NOMO2: variants seen among roughly 807,000 people sequenced by gnomAD.
The protein encoded by NOMO2 is BOS complex subunit NOMO2.
In NOMO2, 14 loss-of-function variants were observed where a neutral mutation model predicts 67.1. The ratio of observed to expected loss-of-function variants is 0.21; its 90% confidence interval spans 0.14 to 0.33. The LOEUF (loss-of-function observed/expected upper bound fraction) is 0.33, where lower values mean the gene tolerates loss of function less well. NOMO2 is among the 10% of genes least tolerant of loss of function. NOMO2 has a pLI of 1.00. For missense variants in NOMO2, 178 were observed against 761.0 expected, an observed-to-expected ratio of 0.23 and a Z score of 9.01; for synonymous variants, 80 against 305.9, an observed-to-expected ratio of 0.26 and a Z score of 7.71.
chr16:18,528,986 A>T (rs1901221318), intron 15 of NOMO2, among the ~76,000 whole-genome samples: 7 of 89,840 alleles, frequency 7.8e-5, no homozygotes, highest in South Asian at 7.3e-4. Context: ...AAAAAAAAAA[A>T]AAATACATAT....
At chr16:18,558,769 C>G in intron 1 of NOMO2, 1 of 449,538 alleles carries the variant, frequency 2.2e-6, no homozygotes, top group Non-Finnish European at 4.5e-6. Context: ...TGGGCAAGCT[C>G]GTGTTCGGTT....
Position 18,537,245 on chromosome 16 carries a change from C to T in NOMO2, c.1220+1281G>A, listed in dbSNP as rs1277610604. 6.1e-4 allele frequency among the ~76,000 whole-genome samples: 92 copies of T among 151,936 alleles called. 1 individual carries two copies. Among genetic ancestry groups the T allele is most frequent in the Middle Eastern group, 3.4e-3 (1 of 294 alleles). On this transcript the variant is annotated intron_variant, in intron 11 of 30. Coordinates refer to ENST00000622306, the MANE Select transcript of NOMO2 (RefSeq NM_173614.4). ...TCACCTAACTGGCTTCTCTTTCTGT[C>T]CCCAGCCATCACACCTCTCAAGCTG...
chr16:18,546,335 G>A lies in NOMO2; in HGVS notation c.582+893C>T, dbSNP rs1596856778. 3.8e-5 allele frequency among the ~76,000 whole-genome samples: 2 copies of A among 52,756 alleles called. 1 individual carries two copies. Among genetic ancestry groups the A allele is most frequent in the Non-Finnish European group, 7.9e-5 (2 of 25,274 alleles). The allele number at this position is 52,756 out of a possible 152,430, so 34.6% of individuals were successfully genotyped here. A position where few individuals can be genotyped will look rare whatever the true frequency, so the allele number is the denominator to read the frequency against. On this transcript the variant is annotated intron_variant, in intron 6 of 30. Transcript: ENST00000622306. Reference sequence around the variant, plus strand: ...TGGCCGAGTGCACTGGTTTATACCTGTAATCCCACCACTTTTTTGAGAGCC... The same window carrying A: ...TGGCCGAGTGCACTGGTTTATACCTATAATCCCACCACTTTTTTGAGAGCC...
chr16:18,531,647 G>A (rs534461636), intron 12 of NOMO2, 40 bp from the exon 13 acceptor site: 3 of 1,610,770 alleles, frequency 1.9e-6, no homozygotes, highest in East Asian at 2.2e-5. Flanking sequence ...CTGCATTCGG[G>A]GAGATCTTCC....
At chr16:18,539,297 A>C in intron 9 of NOMO2, among the ~76,000 whole-genome samples, 2 of 146,804 alleles carry the variant, frequency 1.4e-5, no homozygotes, top group African/African-American at 2.5e-5. Flanking sequence ...AGATGCCCCC[A>C]TTTTGGTGAA....
chr16:18,535,274 G>A (rs1276049714), intron 11 of NOMO2, among the ~76,000 whole-genome samples: 4 of 150,698 alleles, frequency 2.7e-5, no homozygotes, highest in East Asian at 1.9e-4. Flanking sequence ...CCGAGATGGC[G>A]CCACTGTACT....
rs2856563 is a variant in NOMO2 at position 18,529,693 on chromosome 16, G to C, written c.1670-56C>G. On this transcript the variant is annotated intron_variant, in intron 14 of 30. Transcript: ENST00000622306. Reference sequence around the variant, plus strand: ...TGGGCGTGGAGCACACCACCTCCCTGCACGCCACCAGAAACAATGATCATG... The same window carrying C: ...TGGGCGTGGAGCACACCACCTCCCTCCACGCCACCAGAAACAATGATCATG... 6,273 of 1,244,028 alleles carry C rather than the reference G, an allele frequency of 5.0e-3. 4 individuals are homozygous for C. The African/African-American group carries it at 0.075, about 15-fold the overall frequency. 77.1% of individuals were successfully genotyped at this position (1,244,028 alleles called of 1,614,324 possible).
intron 13 of NOMO2, 69 bp downstream of exon 13, chr16:18,531,397 T>A: frequency 6.2e-7 from 1 of 1,612,554 alleles, no homozygotes; most frequent in Non-Finnish European, 8.5e-7. Flanking sequence ...AGGAAAAGTT[T>A]CCCAAATCCC....
chr16:18,550,468 G>C (rs1901758042), intron 4 of NOMO2, among the ~76,000 whole-genome samples: 2 of 151,228 alleles, frequency 1.3e-5, no homozygotes, highest in Non-Finnish European at 2.9e-5. Context: ...TCTCTAACAA[G>C]AAGCCCACAC....
chr16:18,561,166 A>T (rs1902029221), intron 1 of NOMO2, among the ~76,000 whole-genome samples: 1 of 101,294 alleles, frequency 9.9e-6, no homozygotes, highest in Non-Finnish European at 1.9e-5. Flanking sequence ...GGACTTTACA[A>T]CTTAATTAAA....
intron 9 of NOMO2, among the ~76,000 whole-genome samples, chr16:18,541,837 A>G (rs377101): frequency 0.011 from 1,370 of 122,586 alleles, 1 homozygote; most frequent in African/African-American, 0.014. Context: ...GTGAGACCCT[A>G]TCTTAAAAAA....
At chr16:18,535,233 C>T (rs1171315892) in intron 11 of NOMO2, among the ~76,000 whole-genome samples, 2 of 148,740 alleles carry the variant, frequency 1.3e-5, no homozygotes, top group African/African-American at 2.5e-5. Context: ...AGGAGAATCA[C>T]TTGAACCCGA....
chr16:18,559,167 TAAAAC>T (rs1901981189), intron 1 of NOMO2, among the ~76,000 whole-genome samples: 1 of 151,922 alleles, frequency 6.6e-6, no homozygotes, highest in Non-Finnish European at 1.5e-5. Flanking sequence ...TGCCTCAAAA[TAAAAC>T]AAAATAAAAT....
intron 6 of NOMO2, among the ~76,000 whole-genome samples, chr16:18,544,389 G>T (rs1208049612): frequency 2.0e-5 from 3 of 151,572 alleles, no homozygotes; most frequent in East Asian, 1.9e-4. Context: ...TATTTTTAAT[G>T]ATATACAGTG....
In NOMO2 at chr16:18,561,173, TAAAAAAAAAAAAAAAA is replaced by T. The variant is rs756246897; in HGVS notation, c.165+687_165+702del. ...ATTTAACAGGACTTTACAACTTAAT[TAAAAAAAAAAAAAAAA>T]AAAAAAAAAAAAAAAAAACCTTTAC... On this transcript the variant is annotated intron_variant, in intron 1 of 30. Transcript: ENST00000622306. Among the ~76,000 whole-genome samples, 19 of 32,454 alleles carry T rather than the reference TAAAAAAAAAAAAAAAA, an allele frequency of 5.9e-4. No homozygotes were observed. In the South Asian group the frequency reaches 0.015, roughly 25 times the overall value. The allele number at this position is 32,454 out of a possible 152,430, so 21.3% of individuals were successfully genotyped here.
chr16:18,560,936 C>T (rs1232264199), intron 1 of NOMO2, among the ~76,000 whole-genome samples: 2 of 150,882 alleles, frequency 1.3e-5, no homozygotes, highest in African/African-American at 4.9e-5. Context: ...CAGCCTCTTC[C>T]TTCGTTTTCT....
At chr16:18,554,033 C>T (rs1901850226) in intron 3 of NOMO2, among the ~76,000 whole-genome samples, 1 of 150,754 alleles carries the variant, frequency 6.6e-6, no homozygotes, top group African/African-American at 2.4e-5. Context: ...TCAAGAGTCT[C>T]TCCTCTTCAA....
At chr16:18,539,867 G>A (rs2141733768) in intron 9 of NOMO2, among the ~76,000 whole-genome samples, 1 of 152,254 alleles carries the variant, frequency 6.6e-6, no homozygotes, top group South Asian at 2.1e-4. Flanking sequence ...TTGCCTGTGA[G>A]CAGCACACCT....
intron 11 of NOMO2, among the ~76,000 whole-genome samples, chr16:18,537,048 C>T (rs1439509358): frequency 6.6e-6 from 1 of 152,022 alleles, no homozygotes; most frequent in Admixed American, 6.6e-5. Flanking sequence ...CCTGGGCCAC[C>T]TGGCACTCTG....
Sources: allele counts gnomAD v4.1 joint callset (sites outside exome capture counted in the v4.1 genomes callset), GRCh38; gene constraint gnomAD v4.1.1; transcripts MANE v1.5; gene names NCBI Gene and HGNC (gene_info 2026-07-23, HGNC 2026-07-21).